ADAMTS6: variants seen among roughly 807,000 people sequenced by gnomAD.
The protein encoded by ADAMTS6 is ADAM metallopeptidase with thrombospondin type 1 motif 6, also known as A disintegrin and metalloproteinase with thrombospondin motifs 6.
ADAMTS6 carries 23 observed loss-of-function variants against 144.3 expected under a neutral mutation model. That is an observed-to-expected ratio of 0.16 (90% CI 0.11 to 0.23). The LOEUF (loss-of-function observed/expected upper bound fraction) is 0.23, where lower values mean the gene tolerates loss of function less well. Among genes scored for constraint, ADAMTS6 ranks in the 10% least tolerant of loss-of-function variants. The probability of loss-of-function intolerance (pLI) is 1.00; values close to 1 mark genes in which losing one functional copy is unlikely to be tolerated. For synonymous variants in ADAMTS6, 444 were observed against 457.5 expected (o/e 0.97, Z 0.38); for missense variants, 999 against 1,379.6 (o/e 0.72, Z 4.37).
chr5:65,452,491 T>A (rs907512647), intron 5 of ADAMTS6, among the ~76,000 whole-genome samples: 24 of 150,564 alleles, frequency 1.6e-4, no homozygotes, highest in Non-Finnish European at 3.4e-4. Flanking sequence ...TTAAACAAGA[T>A]TTAACAATCC....
At chr5:65,361,873 G>A (rs533809483) in intron 7 of ADAMTS6, among the ~76,000 whole-genome samples, 29 of 152,084 alleles carry the variant, frequency 1.9e-4, no homozygotes, top group African/African-American at 7.0e-4. Flanking sequence ...TAGCTGGGAT[G>A]ACAGGCATGG....
intron 7 of ADAMTS6, among the ~76,000 whole-genome samples, chr5:65,449,643 T>A (rs1758583157): frequency 6.6e-6 from 1 of 151,556 alleles, no homozygotes; most frequent in South Asian, 2.1e-4. Flanking sequence ...ATAAATAAAA[T>A]AAAAATAAAA....
At chr5:65,231,464 A>C (rs1199508086) in intron 15 of ADAMTS6, among the ~76,000 whole-genome samples, 1 of 152,166 alleles carries the variant, frequency 6.6e-6, no homozygotes, top group Non-Finnish European at 1.5e-5. Flanking sequence ...TCAACAATGG[A>C]TAGATCATCC....
chr5:65,480,144 A>G (rs1479568674), intron 1 of ADAMTS6, among the ~76,000 whole-genome samples: 1 of 152,192 alleles, frequency 6.6e-6, no homozygotes, highest in Non-Finnish European at 1.5e-5. Context: ...ACATCTAAAC[A>G]TTTCAGTCTA....
chr5:65,435,690 A>C (rs896336366), intron 7 of ADAMTS6, among the ~76,000 whole-genome samples: 1 of 151,912 alleles, frequency 6.6e-6, no homozygotes, highest in Admixed American at 6.6e-5. Flanking sequence ...CAGTGGCGCG[A>C]TATCGGCTCA....
At chr5:65,406,170 C>G (rs1410033918) in intron 7 of ADAMTS6, among the ~76,000 whole-genome samples, 2 of 152,170 alleles carry the variant, frequency 1.3e-5, no homozygotes. Flanking sequence ...CTGGCCAGAG[C>G]TTCCAACACT....
chr5:65,219,876 C>A (rs1009243684), intron 18 of ADAMTS6, among the ~76,000 whole-genome samples: 2 of 152,132 alleles, frequency 1.3e-5, no homozygotes, highest in African/African-American at 4.8e-5. Flanking sequence ...GTAATCGCAG[C>A]TTTTGCCATT....
At chr5:65,396,231 T>C (rs1753321078) in intron 7 of ADAMTS6, among the ~76,000 whole-genome samples, 1 of 152,178 alleles carries the variant, frequency 6.6e-6, no homozygotes, top group African/African-American at 2.4e-5. Context: ...ATTGAATAAA[T>C]AGTCCAAAGG....
intron 21 of ADAMTS6, among the ~76,000 whole-genome samples, chr5:65,190,514 T>C (rs1046458043): frequency 6.6e-6 from 1 of 152,134 alleles, no homozygotes; most frequent in Non-Finnish European, 1.5e-5. Flanking sequence ...AAAAGTTCAG[T>C]CACACAACCT....
At chr5:65,371,592 A>G (rs1245713568) in intron 7 of ADAMTS6, among the ~76,000 whole-genome samples, 46 of 152,108 alleles carry the variant, frequency 3.0e-4, no homozygotes, top group Admixed American at 5.9e-4. Flanking sequence ...AAAGAAACGA[A>G]CAAAGCCTCC....
chr5:65,154,569 G>A (rs1752307646), intron 24 of ADAMTS6, among the ~76,000 whole-genome samples: 1 of 152,132 alleles, frequency 6.6e-6, no homozygotes, highest in African/African-American at 2.4e-5. Flanking sequence ...GGTGGGCCTG[G>A]GGGTGAATTC....
chr5:65,178,326 C>T (rs147069896), intron 22 of ADAMTS6, among the ~76,000 whole-genome samples: 3,649 of 152,252 alleles, frequency 0.024, 66 homozygotes, highest in Non-Finnish European at 0.036. Flanking sequence ...TGGAGTCCCA[C>T]GGGGAATACC....
At chr5:65,302,082 G>T (rs1743439599) in intron 9 of ADAMTS6, among the ~76,000 whole-genome samples, 2 of 114,266 alleles carry the variant, frequency 1.8e-5, no homozygotes, top group African/African-American at 3.8e-5. Flanking sequence ...ACAGAGCAAG[G>T]CTCTGTCTCC....
intron 20 of ADAMTS6, among the ~76,000 whole-genome samples, chr5:65,211,796 T>C (rs1318950161): frequency 1.3e-5 from 2 of 152,180 alleles, no homozygotes; most frequent in African/African-American, 2.4e-5. Flanking sequence ...AGCACAAATA[T>C]ATAATTGCCA....
chr5:65,474,400 T>C (rs979205953), intron 1 of ADAMTS6, among the ~76,000 whole-genome samples: 5 of 152,024 alleles, frequency 3.3e-5, no homozygotes, highest in Non-Finnish European at 7.4e-5. Context: ...CATTTTTTTT[T>C]CTGACAAAGT....
At chr5:65,349,504 G>A (rs1306299007) in intron 7 of ADAMTS6, among the ~76,000 whole-genome samples, 1 of 152,010 alleles carries the variant, frequency 6.6e-6, no homozygotes, top group Non-Finnish European at 1.5e-5. Flanking sequence ...CAACTGATAA[G>A]AAACAGCTGT....
chr5:65,407,512 C>T (rs13174569), intron 7 of ADAMTS6, among the ~76,000 whole-genome samples: 12 of 140,174 alleles, frequency 8.6e-5, no homozygotes, highest in African/African-American at 1.6e-4. Context: ...CAACAGTCCC[C>T]GGTGTGTGAT....
Position 65,199,236 on chromosome 5 carries a change from C to A in ADAMTS6, c.2576-2085G>T, listed in dbSNP as rs1755583414. ...GAAGGAATAAACATTCTCAACACTA[C>A]AAAATACAACTGATCTGGTTTTGTT... is the stretch of plus-strand genomic sequence containing the variant. On this transcript the variant is annotated intron_variant, in intron 20 of 24. Coordinates refer to ENST00000381055, the MANE Select transcript of ADAMTS6 (RefSeq NM_197941.4). Among the ~76,000 whole-genome samples, 3 of 152,156 alleles carry A rather than the reference C, an allele frequency of 2.0e-5. No individual in the cohort carries two copies. In the South Asian group the frequency reaches 6.2e-4, roughly 31 times the overall value.
chr5:65,324,304 T>C (rs1745953530), intron 9 of ADAMTS6, among the ~76,000 whole-genome samples: 1 of 152,120 alleles, frequency 6.6e-6, no homozygotes, highest in African/African-American at 2.4e-5. Flanking sequence ...AAATGGAGCA[T>C]AGATCTAAAT....
Sources: allele counts gnomAD v4.1 joint callset (sites outside exome capture counted in the v4.1 genomes callset), GRCh38; gene constraint gnomAD v4.1.1; transcripts MANE v1.5; gene names NCBI Gene and HGNC (gene_info 2026-07-23, HGNC 2026-07-21).